Variants in PDIA5 observed in about 807,000 individuals in gnomAD.
The protein encoded by PDIA5 is protein disulfide-isomerase A5.
A neutral mutation model predicts 77.6 loss-of-function variants in PDIA5; 58 were observed. The ratio of observed to expected loss-of-function variants is 0.75; its 90% confidence interval spans 0.61 to 0.93. The LOEUF (loss-of-function observed/expected upper bound fraction) is 0.93, where lower values mean the gene tolerates loss of function less well. Ranked by LOEUF, PDIA5 falls within the 40% of genes least tolerant of loss-of-function variation. The pLI is 0.00. For synonymous variants in PDIA5, 250 were observed against 252.1 expected (o/e 0.99, Z 0.08); for missense variants, 630 against 647.7 (o/e 0.97, Z 0.30).
intron 13 of PDIA5, 28 bp from the exon 14 acceptor site, chr3:123,150,206 G>A (rs11720885): frequency 0.075 from 117,561 of 1,577,244 alleles, 5,693 homozygotes; most frequent in Admixed American, 0.23. Flanking sequence ...CCTTATGGCT[G>A]CCTCCCCACT....
chr3:123,150,013 G>C (rs1653972490), intron 13 of PDIA5, among the ~76,000 whole-genome samples: 1 of 152,196 alleles, frequency 6.6e-6, no homozygotes, highest in Admixed American at 6.5e-5. Context: ...TTTACAAAAT[G>C]GCTCCTTAAT....
chr3:123,098,876 C>T (rs1453073279), intron 3 of PDIA5, among the ~76,000 whole-genome samples: 1 of 152,218 alleles, frequency 6.6e-6, no homozygotes, highest in Non-Finnish European at 1.5e-5. Context: ...TGTCTCCTTT[C>T]TCCCCTAGAA....
At chr3:123,113,349 A>G (rs1934911469) in intron 7 of PDIA5, among the ~76,000 whole-genome samples, 1 of 152,148 alleles carries the variant, frequency 6.6e-6, no homozygotes, top group African/African-American at 2.4e-5. Context: ...CTCTCCCGCC[A>G]TGCACCCAGG....
At chr3:123,121,416 G>A (rs1440935094) in intron 8 of PDIA5, among the ~76,000 whole-genome samples, 1 of 152,230 alleles carries the variant, frequency 6.6e-6, no homozygotes, top group Non-Finnish European at 1.5e-5. Flanking sequence ...CCGAGACCAG[G>A]TGTGTCACCT....
In PDIA5 at chr3:123,088,248, A is replaced by G. The variant is rs146830656; in HGVS notation, c.43-920A>G. 2.2e-4 allele frequency among the ~76,000 whole-genome samples: 33 copies of G among 151,830 alleles called. 1 individual carries two copies. In the East Asian group the frequency reaches 4.6e-3, roughly 21 times the overall value. ...TACTCCTTATTCACACTTTTAATAA[A>G]CCCCCACCCATTGCTTTTAGCCCAC... On this transcript the variant is annotated intron_variant, in intron 1 of 16. Coordinates refer to ENST00000316218, the MANE Select transcript of PDIA5 (RefSeq NM_006810.4).
At chr3:123,094,105 G>A (rs1297368349) in intron 3 of PDIA5, among the ~76,000 whole-genome samples, 1 of 152,232 alleles carries the variant, frequency 6.6e-6, no homozygotes, top group Non-Finnish European at 1.5e-5. Flanking sequence ...AGAATATCCT[G>A]TGAATTTCGA....
At chr3:123,117,229 G>C (rs935311163) in intron 8 of PDIA5, among the ~76,000 whole-genome samples, 1 of 151,632 alleles carries the variant, frequency 6.6e-6, no homozygotes, top group Admixed American at 6.6e-5. Context: ...GTAGCATTAA[G>C]TATATTTACA....
At chr3:123,141,488 T>G (rs1935634099) in intron 11 of PDIA5, among the ~76,000 whole-genome samples, 1 of 152,150 alleles carries the variant, frequency 6.6e-6, no homozygotes, top group African/African-American at 2.4e-5. Context: ...GGTTGAACTC[T>G]CGGGCGATAG....
intron 3 of PDIA5, among the ~76,000 whole-genome samples, chr3:123,095,183 C>A (rs1413865591): frequency 6.6e-6 from 1 of 152,232 alleles, no homozygotes; most frequent in African/African-American, 2.4e-5. Context: ...GTTCTGCCTT[C>A]TTTCCAGGTC....
In PDIA5 at chr3:123,161,901, A is replaced by C; in HGVS notation, c.1501A>C (p.Ile501Leu). 6.2e-7 allele frequency: 1 copy of C among 1,600,386 alleles called. No homozygotes were observed. The change falls in exon 17 of 17, where the codon ATT becomes CTT. Residue 501 changes from isoleucine to leucine, a missense_variant. Transcript: ENST00000316218. ...DRTELGFTNYIRALREGDHER... is the reference protein window; with the variant it reads ...DRTELGFTNYLRALREGDHER... Reference sequence around the variant, plus strand: ...GCAGGAATTGGGATTTACCAATTATATTCGAGCCCTCCGGGAGGGAGACCA... The same window carrying C: ...GCAGGAATTGGGATTTACCAATTATCTTCGAGCCCTCCGGGAGGGAGACCA...
At chr3:123,122,075 A>G (rs1026560129) in intron 8 of PDIA5, among the ~76,000 whole-genome samples, 3 of 152,250 alleles carry the variant, frequency 2.0e-5, no homozygotes, top group Non-Finnish European at 4.4e-5. Context: ...AGACCCTAAC[A>G]GGTGTACAAT....
intron 13 of PDIA5, among the ~76,000 whole-genome samples, chr3:123,147,612 T>C (rs188135110): frequency 1.6e-4 from 24 of 152,286 alleles, no homozygotes; most frequent in African/African-American, 5.5e-4. Context: ...AAGAGATGAA[T>C]GGACTGATGA....
intron 8 of PDIA5, 152 bp downstream of exon 8, chr3:123,116,450 C>T: frequency 1.6e-6 from 1 of 643,868 alleles, no homozygotes. Context: ...TTGCATGGAG[C>T]TCAGAGACCT....
At chr3:123,078,993 T>C (rs1933924122) in intron 1 of PDIA5, among the ~76,000 whole-genome samples, 1 of 152,110 alleles carries the variant, frequency 6.6e-6, no homozygotes, top group South Asian at 2.1e-4. Context: ...ATTATTTTCA[T>C]AATGGTAGCC....
At chr3:123,077,580 A>G (rs1215936238) in intron 1 of PDIA5, among the ~76,000 whole-genome samples, 1 of 146,620 alleles carries the variant, frequency 6.8e-6, no homozygotes, top group East Asian at 2.0e-4. Flanking sequence ...ACACACACAC[A>G]CACAACAATA....
intron 13 of PDIA5, among the ~76,000 whole-genome samples, chr3:123,146,611 T>C (rs1199777910): frequency 1.3e-5 from 2 of 152,178 alleles, no homozygotes; most frequent in African/African-American, 4.8e-5. Context: ...GCTAGACTCA[T>C]TTCGTCCAGG....
At chr3:123,143,339 C>T (rs937627845) in intron 11 of PDIA5, among the ~76,000 whole-genome samples, 7 of 144,626 alleles carry the variant, frequency 4.8e-5, no homozygotes, top group African/African-American at 1.6e-4. Context: ...GAGCTGACAT[C>T]GTGTGCCACT....
At chr3:123,102,640 A>T (rs901862909) in intron 4 of PDIA5, 111 bp from the exon 5 acceptor site, 1 of 1,116,894 alleles carries the variant, frequency 9.0e-7, no homozygotes, top group Non-Finnish European at 1.3e-6. Flanking sequence ...TTAAAAAAAA[A>T]TCCTGAACTC....
intron 1 of PDIA5, among the ~76,000 whole-genome samples, chr3:123,076,280 G>A (rs1286775856): frequency 6.6e-6 from 1 of 152,080 alleles, no homozygotes; most frequent in Non-Finnish European, 1.5e-5. Context: ...GGCTTAATCC[G>A]AGGCAAATCC....
Sources: gnomAD v4.1 joint callset for allele counts (sites outside exome capture counted in the v4.1 genomes callset) on GRCh38, gnomAD v4.1.1 for gene constraint, MANE v1.5 for transcripts, NCBI Gene and HGNC (gene_info 2026-07-23, HGNC 2026-07-21) for gene names.